EFNA5: variants seen among roughly 807,000 people sequenced by gnomAD.
The protein encoded by EFNA5 is ephrin A5.
In EFNA5, 5 loss-of-function variants were observed where a neutral mutation model predicts 22.9. The ratio of observed to expected loss-of-function variants is 0.22; its 90% CI spans 0.11 to 0.46. The LOEUF (loss-of-function observed/expected upper bound fraction) is 0.46, where lower values mean the gene tolerates loss of function less well. EFNA5 is among the 20% of genes least tolerant of loss of function. The pLI, the probability that EFNA5 is intolerant of heterozygous loss-of-function variation, is 0.99. For synonymous variants in EFNA5, 113 were observed against 112.2 expected (o/e 1.01, Z -0.04); for missense variants, 237 against 293.3 (o/e 0.81, Z 1.40).
Position 107,670,280 on chromosome 5 carries a change from A to C in EFNA5, c.125+209T>G, listed in dbSNP as rs1195278122. Among the ~76,000 whole-genome samples the C allele has an allele frequency of 2.0e-5, 3 of 149,550 alleles. No individual in the cohort carries two copies. The East Asian group carries it at 5.9e-4, about 29-fold the overall frequency. Reference sequence around the variant, plus strand: ...GGTCTAGGCAGCCCCGGGGACTCCCAGGGGTACCTGGCCTTTCCGCGGCGG... The same window carrying C: ...GGTCTAGGCAGCCCCGGGGACTCCCCGGGGTACCTGGCCTTTCCGCGGCGG... On this transcript the variant is annotated intron_variant, in intron 1 of 4. Coordinates refer to ENST00000333274, the MANE Select transcript of EFNA5 (RefSeq NM_001962.3).
chr5:107,616,682 G>C (rs767710010), intron 1 of EFNA5, among the ~76,000 whole-genome samples: 1 of 152,150 alleles, frequency 6.6e-6, no homozygotes, highest in Non-Finnish European at 1.5e-5. Context: ...CTAGTAGAAA[G>C]TATCCTGTCA....
chr5:107,460,835 C>T (rs768230542), intron 1 of EFNA5, among the ~76,000 whole-genome samples: 2 of 152,156 alleles, frequency 1.3e-5, no homozygotes, highest in African/African-American at 4.8e-5. Context: ...GAGGAATATG[C>T]CTATGTCATT....
intron 1 of EFNA5, among the ~76,000 whole-genome samples, chr5:107,573,643 C>A (rs1748861585): frequency 6.6e-6 from 1 of 152,140 alleles, no homozygotes; most frequent in African/African-American, 2.4e-5. Context: ...TTCACCACTT[C>A]TTTTAGCTTG....
At chr5:107,489,148 T>C (rs1746728848) in intron 1 of EFNA5, among the ~76,000 whole-genome samples, 1 of 152,116 alleles carries the variant, frequency 6.6e-6, no homozygotes, top group African/African-American at 2.4e-5. Context: ...ATTTAATCTA[T>C]TGCAAACTCA....
At chr5:107,660,363 A>C (rs1750927479) in intron 1 of EFNA5, among the ~76,000 whole-genome samples, 1 of 141,502 alleles carries the variant, frequency 7.1e-6, no homozygotes, top group African/African-American at 2.6e-5. Context: ...AATTTTCAAA[A>C]TATTAATGAC....
chr5:107,663,582 C>G (rs1421954109), intron 1 of EFNA5, among the ~76,000 whole-genome samples: 1 of 151,988 alleles, frequency 6.6e-6, no homozygotes, highest in Non-Finnish European at 1.5e-5. Flanking sequence ...ATATTTATAT[C>G]TTATATCTCC....
rs1747433302 is a variant in EFNA5 at position 107,380,832 on chromosome 5, A to G, written c.*423T>C. On this transcript the variant is annotated 3_prime_UTR_variant, in exon 5 of 5. Transcript: ENST00000333274. ...AGGCATAAATATTGCATAGGAGAGC[A>G]AAACCCTCCCAGCCCTAGCCAGCGC... The G allele has an allele frequency of 7.3e-6, 3 of 409,244 alleles. No individual in the cohort carries two copies. The highest frequency in any genetic ancestry group is 1.3e-5 in the Non-Finnish European group (3 of 231,670). 25.4% of individuals were successfully genotyped at this position (409,244 alleles called of 1,614,324 possible).
chr5:107,409,436 T>C (rs939843160), intron 2 of EFNA5, among the ~76,000 whole-genome samples: 36 of 152,222 alleles, frequency 2.4e-4, no homozygotes, highest in Admixed American at 4.6e-4. Flanking sequence ...TAATGCCTTC[T>C]GTCCCAAAGA....
chr5:107,406,728 C>T (rs1045509526), intron 2 of EFNA5, among the ~76,000 whole-genome samples: 2 of 152,060 alleles, frequency 1.3e-5, no homozygotes, highest in African/African-American at 4.8e-5. Flanking sequence ...CCTCCTGTCC[C>T]CAGTAGAGTG....
intron 1 of EFNA5, among the ~76,000 whole-genome samples, chr5:107,567,819 G>A (rs908359217): frequency 6.6e-6 from 1 of 152,244 alleles, no homozygotes; most frequent in African/African-American, 2.4e-5. Context: ...CTGGACATGT[G>A]AGGCAAAGTA....
intron 2 of EFNA5, among the ~76,000 whole-genome samples, chr5:107,425,637 A>G (rs2112419242): frequency 6.6e-6 from 1 of 152,338 alleles, no homozygotes; most frequent in East Asian, 1.9e-4. Flanking sequence ...GTGAGATAGT[A>G]TCAAGGCTTT....
At chr5:107,631,927 G>A (rs1306601677) in intron 1 of EFNA5, among the ~76,000 whole-genome samples, 3 of 152,186 alleles carry the variant, frequency 2.0e-5, no homozygotes, top group Non-Finnish European at 4.4e-5. Flanking sequence ...TAGAAAGGAA[G>A]CAAGTAGGCC....
At chr5:107,458,115 T>A (rs1749742202) in intron 1 of EFNA5, among the ~76,000 whole-genome samples, 1 of 152,198 alleles carries the variant, frequency 6.6e-6, no homozygotes, top group Non-Finnish European at 1.5e-5. Flanking sequence ...TGGCTACCAG[T>A]CAGAGCTAAA....
intron 1 of EFNA5, among the ~76,000 whole-genome samples, chr5:107,628,377 C>T (rs1750182082): frequency 1.3e-5 from 2 of 152,078 alleles, no homozygotes. Context: ...TAGACAGTTC[C>T]TGTTAGACAT....
At chr5:107,407,480 A>G (rs1266406909) in intron 2 of EFNA5, among the ~76,000 whole-genome samples, 2 of 152,188 alleles carry the variant, frequency 1.3e-5, no homozygotes, top group Admixed American at 6.5e-5. Flanking sequence ...GTGGCTCACC[A>G]AAGTTCATCT....
At chr5:107,514,107 T>A (rs1747429878) in intron 1 of EFNA5, among the ~76,000 whole-genome samples, 1 of 152,212 alleles carries the variant, frequency 6.6e-6, no homozygotes, top group Admixed American at 6.5e-5. Context: ...GACATCCCTG[T>A]CCCCAGGTTT....
intron 1 of EFNA5, among the ~76,000 whole-genome samples, chr5:107,543,610 A>G (rs112896265): frequency 3.3e-5 from 5 of 152,330 alleles, no homozygotes; most frequent in African/African-American, 1.2e-4. Flanking sequence ...AGCATACCAA[A>G]TACTTTTCTG....
chr5:107,620,514 A>G (rs917963801), intron 1 of EFNA5, among the ~76,000 whole-genome samples: 3 of 152,224 alleles, frequency 2.0e-5, no homozygotes, highest in South Asian at 2.1e-4. Context: ...CTGACTTAAT[A>G]ATGGGTTCTG....
At chr5:107,431,420 G>A (rs1185869039) in intron 1 of EFNA5, among the ~76,000 whole-genome samples, 3 of 152,152 alleles carry the variant, frequency 2.0e-5, no homozygotes, top group Non-Finnish European at 2.9e-5. Context: ...CTGTGAAGGA[G>A]CACATAAGTA....
Sources: gnomAD v4.1 joint callset for allele counts (sites outside exome capture counted in the v4.1 genomes callset) on GRCh38, gnomAD v4.1.1 for gene constraint, MANE v1.5 for transcripts, NCBI Gene and HGNC (gene_info 2026-07-23, HGNC 2026-07-21) for gene names.